The following SNTB1 variants were observed in gnomAD, a reference collection of about 807,000 sequenced individuals.
The protein encoded by SNTB1 is beta-1-syntrophin.
Under a neutral mutation model 48.9 loss-of-function variants are expected in SNTB1, and 36 were observed. The observed-to-expected ratio is 0.74, with a 90% confidence interval of 0.56 to 0.97. The LOEUF is 0.97. Among genes scored for constraint, SNTB1 ranks in the 50% least tolerant of loss-of-function variants. The pLI, the probability that SNTB1 is intolerant of heterozygous loss-of-function variation, is 0.00. For missense variants in SNTB1, 786 were observed against 703.4 expected (o/e 1.12, Z -1.33); for synonymous variants, 299 against 294.6 (o/e 1.01, Z -0.15).
chr8:120,692,878 C>T (rs1818151960), intron 2 of SNTB1, among the ~76,000 whole-genome samples: 1 of 152,166 alleles, frequency 6.6e-6, no homozygotes, highest in Non-Finnish European at 1.5e-5. Flanking sequence ...GAGCACCTTA[C>T]ATGGTGCATT....
chr8:120,629,780 T>C (rs1473511615), intron 3 of SNTB1, among the ~76,000 whole-genome samples: 2 of 152,364 alleles, frequency 1.3e-5, no homozygotes, highest in East Asian at 3.9e-4. Flanking sequence ...TGATCATTAT[T>C]GCTCTTACAG....
intron 1 of SNTB1, among the ~76,000 whole-genome samples, chr8:120,753,957 A>G (rs1349138833): frequency 1.3e-5 from 2 of 152,202 alleles, no homozygotes; most frequent in African/African-American, 2.4e-5. Flanking sequence ...AATCATAGAT[A>G]CATTCATTCT....
intron 2 of SNTB1, among the ~76,000 whole-genome samples, chr8:120,675,198 T>TGGC (rs2129798250): frequency 6.6e-6 from 1 of 152,286 alleles, no homozygotes; most frequent in African/African-American, 2.4e-5. Flanking sequence ...GAAAGTAACA[T>TGGC]GGCAGCCTTT....
Position 120,746,491 on chromosome 8 carries a change from G to C in SNTB1, c.572-52583C>G, listed in dbSNP as rs28427024. Among the ~76,000 whole-genome samples the C allele has an allele frequency of 6.1e-3, 922 of 152,222 alleles. 9 individuals carry two copies. Among genetic ancestry groups the C allele is most frequent in the African/African-American group, 0.021 (871 of 41,542 alleles). ...CGCAGAGATTGCTGCCCCAAGCCCCGTGTTGTTCAAGGGTCAACTGTGGTT... is the reference window on the plus strand; with the variant it reads ...CGCAGAGATTGCTGCCCCAAGCCCCCTGTTGTTCAAGGGTCAACTGTGGTT... On this transcript the variant is annotated intron_variant, in intron 1 of 6. Coordinates refer to ENST00000517992, the MANE Select transcript of SNTB1 (RefSeq NM_021021.4).
intron 1 of SNTB1, among the ~76,000 whole-genome samples, chr8:120,766,613 T>C (rs1481768460): frequency 2.0e-5 from 3 of 152,202 alleles, no homozygotes; most frequent in Non-Finnish European, 4.4e-5. Context: ...CAATTATATA[T>C]TGGCAATACC....
At chr8:120,572,579 A>G (rs1051415276) in intron 4 of SNTB1, among the ~76,000 whole-genome samples, 1 of 152,174 alleles carries the variant, frequency 6.6e-6, no homozygotes, top group Non-Finnish European at 1.5e-5. Flanking sequence ...GGACAAGGAT[A>G]CAACACATTA....
intron 1 of SNTB1, among the ~76,000 whole-genome samples, chr8:120,725,406 T>C (rs1376238706): frequency 1.3e-5 from 2 of 152,180 alleles, no homozygotes; most frequent in Non-Finnish European, 2.9e-5. Flanking sequence ...ATCAACTACC[T>C]GCACCTAGGT....
chr8:120,811,142 C>CG (rs1820420203), intron 1 of SNTB1, 131 bp downstream of exon 1: 1 of 1,205,342 alleles, frequency 8.3e-7, no homozygotes, highest in African/African-American at 1.7e-5. Flanking sequence ...CCCCCCCCCC[C>CG]AACACACACA....
At chr8:120,730,537 C>A (rs1225129405) in intron 1 of SNTB1, among the ~76,000 whole-genome samples, 1 of 152,120 alleles carries the variant, frequency 6.6e-6, no homozygotes, top group Admixed American at 6.6e-5. Context: ...AAACATACCT[C>A]AAAATGAGTT....
chr8:120,561,340 AG>A (rs1173713214), intron 4 of SNTB1, among the ~76,000 whole-genome samples: 863 of 43,976 alleles, frequency 0.02, 29 homozygotes, highest in African/African-American at 0.032. Flanking sequence ...AAAAAAAAAA[AG>A]AAAAAAAGAA....
At chr8:120,763,652 A>G (rs549638058) in intron 1 of SNTB1, among the ~76,000 whole-genome samples, 117 of 152,334 alleles carry the variant, frequency 7.7e-4, no homozygotes, top group African/African-American at 2.5e-3. Context: ...AACATTTGCA[A>G]CTAATAAGAG....
At chr8:120,785,665 A>T (rs1432465811) in intron 1 of SNTB1, among the ~76,000 whole-genome samples, 2 of 152,160 alleles carry the variant, frequency 1.3e-5, no homozygotes, top group Non-Finnish European at 2.9e-5. Context: ...GTAGTGAAAC[A>T]CAATTAACAG....
At chr8:120,646,643 C>T (rs1817302057) in intron 2 of SNTB1, among the ~76,000 whole-genome samples, 1 of 151,884 alleles carries the variant, frequency 6.6e-6, no homozygotes, top group African/African-American at 2.4e-5. Flanking sequence ...TGTTGTGTCT[C>T]TGCCCGGCTT....
chr8:120,811,520 G>C lies in SNTB1; in HGVS notation c.324C>G (p.Asn108Lys). ...LPEQVPESIS[N>K]QKRGVKVLKQ... ...TCAGCACCTTCACGCCACGCTTCTG[G>C]TTCGAGATGGACTCGGGCACCTGCT... The change falls in exon 1 of 7, where the codon AAC becomes AAG. Residue 108 changes from asparagine (N) to lysine (K), a missense_variant. By Grantham distance (94) the Asn-to-Lys change is moderately conservative. Transcript: ENST00000517992. 6.2e-7 allele frequency: 1 copy of C among 1,612,562 alleles called. No individual in the cohort carries two copies. Among genetic ancestry groups the C allele is most frequent in the Non-Finnish European group, 8.5e-7 (1 of 1,179,316 alleles).
chr8:120,582,187 G>A (rs968981822), intron 3 of SNTB1, among the ~76,000 whole-genome samples: 1 of 152,296 alleles, frequency 6.6e-6, no homozygotes, highest in African/African-American at 2.4e-5. Context: ...AACAATGTAT[G>A]TTCTTTGACC....
chr8:120,811,057 G>C (rs1053196939), intron 1 of SNTB1, among the ~76,000 whole-genome samples: 21 of 152,190 alleles, frequency 1.4e-4, no homozygotes, highest in African/African-American at 4.6e-4. Flanking sequence ...GAAAGACTGC[G>C]GGCTGGAGAC....
intron 2 of SNTB1, among the ~76,000 whole-genome samples, chr8:120,656,024 C>T (rs1052544867): frequency 6.6e-6 from 1 of 152,134 alleles, no homozygotes; most frequent in Non-Finnish European, 1.5e-5. Context: ...GCAGCATTCA[C>T]AGTGTGGTTG....
chr8:120,540,539 GA>G (rs1815269203), intron 6 of SNTB1, among the ~76,000 whole-genome samples: 1 of 152,058 alleles, frequency 6.6e-6, no homozygotes, highest in South Asian at 2.1e-4. Context: ...TCACCTTTAG[GA>G]AAAAGTACAT....
At chr8:120,735,062 G>C (rs1008043602) in intron 1 of SNTB1, among the ~76,000 whole-genome samples, 3 of 152,200 alleles carry the variant, frequency 2.0e-5, no homozygotes, top group Admixed American at 2.0e-4. Context: ...ATACAAGTCT[G>C]TACATTTTGT....
Sources: allele counts gnomAD v4.1 joint callset (sites outside exome capture counted in the v4.1 genomes callset), GRCh38; gene constraint gnomAD v4.1.1; transcripts MANE v1.5; gene names NCBI Gene and HGNC (gene_info 2026-07-23, HGNC 2026-07-21).